EPHA6: variants seen among roughly 807,000 people sequenced by gnomAD.
EPHA6 encodes the protein ephrin type-A receptor 6.
A neutral mutation model predicts 112.0 loss-of-function variants in EPHA6; 50 were observed. The ratio of observed to expected loss-of-function variants is 0.45; its 90% CI spans 0.36 to 0.56. The LOEUF (loss-of-function observed/expected upper bound fraction) is 0.56. EPHA6 is among the 20% of genes least tolerant of loss of function. The pLI, the probability that EPHA6 is intolerant of heterozygous loss-of-function variation, is 0.00. For synonymous variants in EPHA6, 529 were observed against 490.7 expected (o/e 1.08, Z -1.03); for missense variants, 1,280 against 1,417.4 (o/e 0.90, Z 1.56).
intron 14 of EPHA6, among the ~76,000 whole-genome samples, chr3:97,706,496 G>T (rs770110328): frequency 1.3e-5 from 2 of 152,130 alleles, no homozygotes; most frequent in Admixed American, 6.5e-5. Flanking sequence ...CCAAGTCTTC[G>T]CTGTCATGGC....
chr3:97,589,679 A>G (rs2093525265), intron 11 of EPHA6, among the ~76,000 whole-genome samples: 2 of 152,164 alleles, frequency 1.3e-5, no homozygotes, highest in South Asian at 4.1e-4. Flanking sequence ...TAAGGAGAGA[A>G]TCGAAATCAG....
intron 2 of EPHA6, among the ~76,000 whole-genome samples, chr3:96,880,691 T>TC (rs910479842): frequency 6.6e-6 from 1 of 151,992 alleles, no homozygotes; most frequent in South Asian, 2.1e-4. Flanking sequence ...CCATTCTTCC[T>TC]CCCCCCACCT....
chr3:97,265,659 G>A (rs2108629191), intron 5 of EPHA6, among the ~76,000 whole-genome samples: 1 of 152,310 alleles, frequency 6.6e-6, no homozygotes. Flanking sequence ...CTCTGCCTGG[G>A]AGGGTGGTGC....
At chr3:97,268,957 G>A (rs1440495411) in intron 5 of EPHA6, among the ~76,000 whole-genome samples, 1 of 152,086 alleles carries the variant, frequency 6.6e-6, no homozygotes, top group African/African-American at 2.4e-5. Context: ...GAACTCTTGA[G>A]TTTCTAACTA....
intron 3 of EPHA6, among the ~76,000 whole-genome samples, chr3:97,048,205 C>G (rs1209083219): frequency 6.6e-6 from 1 of 152,100 alleles, no homozygotes; most frequent in Non-Finnish European, 1.5e-5. Context: ...TCAAATCATG[C>G]TAAGGCTGAA....
chr3:97,451,494 A>G (rs1419872560), intron 7 of EPHA6, among the ~76,000 whole-genome samples: 4 of 151,762 alleles, frequency 2.6e-5, no homozygotes, highest in Non-Finnish European at 5.9e-5. Context: ...TCTGAGAAGA[A>G]CCTGAAAATA....
intron 1 of EPHA6, among the ~76,000 whole-genome samples, chr3:96,848,087 T>G (rs1257562225): frequency 6.6e-6 from 1 of 152,078 alleles, no homozygotes; most frequent in Non-Finnish European, 1.5e-5. Context: ...TGGGTATAAG[T>G]TGACAGTCTT....
intron 3 of EPHA6, among the ~76,000 whole-genome samples, chr3:97,095,496 C>T (rs111379585): frequency 6.6e-6 from 1 of 151,918 alleles, no homozygotes; most frequent in African/African-American, 2.4e-5. Context: ...CCATACCCCC[C>T]ACCTTCCTTT....
At chr3:97,519,106 T>C (rs867855794) in intron 10 of EPHA6, among the ~76,000 whole-genome samples, 1 of 152,184 alleles carries the variant, frequency 6.6e-6, no homozygotes, top group Admixed American at 6.5e-5. Flanking sequence ...CTATGTTTTC[T>C]TCTATTAGCT....
rs535396163 is a variant in EPHA6, at chr3:97,511,170, T to C, written c.2201-21188T>C. Reference sequence around the variant, plus strand: ...CTTGGCTCCATGGCTTCAGCCCCCTTTCCAGGGGAGTGAATGGTTCTGTGT... The same window carrying C: ...CTTGGCTCCATGGCTTCAGCCCCCTCTCCAGGGGAGTGAATGGTTCTGTGT... On this transcript the variant is annotated intron_variant, in intron 10 of 17. Transcript: ENST00000389672. 2.0e-5 allele frequency among the ~76,000 whole-genome samples: 3 copies of C among 152,218 alleles called. No individual in the cohort carries two copies. In the East Asian group the frequency reaches 5.8e-4, roughly 29 times the overall value.
chr3:97,501,216 T>G (rs2092107693), intron 10 of EPHA6, among the ~76,000 whole-genome samples: 1 of 152,144 alleles, frequency 6.6e-6, no homozygotes, highest in Non-Finnish European at 1.5e-5. Context: ...ATAAATTGAG[T>G]AAAGCTGGAG....
chr3:97,441,448 C>T (rs942663821), intron 6 of EPHA6: 14 of 980,112 alleles, frequency 1.4e-5, no homozygotes, highest in Non-Finnish European at 1.7e-5. Context: ...AAGAAAACGT[C>T]CTCAACTAGA....
chr3:97,047,070 C>A (rs2045532321), intron 3 of EPHA6, among the ~76,000 whole-genome samples: 1 of 151,906 alleles, frequency 6.6e-6, no homozygotes, highest in Non-Finnish European at 1.5e-5. Flanking sequence ...TTTTTATATT[C>A]TCTTTTTATC....
intron 6 of EPHA6, among the ~76,000 whole-genome samples, chr3:97,418,667 C>A (rs2088338077): frequency 6.6e-6 from 1 of 151,714 alleles, no homozygotes; most frequent in Admixed American, 6.6e-5. Context: ...CAAAGACCTA[C>A]CATAAAGAAA....
At chr3:97,621,384 A>G (rs528376233) in intron 13 of EPHA6, among the ~76,000 whole-genome samples, 1 of 152,062 alleles carries the variant, frequency 6.6e-6, no homozygotes, top group East Asian at 1.9e-4. Context: ...CATTTAAGAA[A>G]TCTGCACATC....
intron 5 of EPHA6, chr3:97,244,613 T>C (rs2078936348): frequency 2.8e-6 from 1 of 353,282 alleles, no homozygotes; most frequent in Non-Finnish European, 5.1e-6. Context: ...AAAATGTTAT[T>C]AAATGAATTG....
chr3:97,639,519 A>G (rs184099467), intron 14 of EPHA6, among the ~76,000 whole-genome samples: 260 of 152,268 alleles, frequency 1.7e-3, no homozygotes, highest in Non-Finnish European at 3.0e-3. Context: ...ATTGCAACAA[A>G]TACAATCTAC....
intron 3 of EPHA6, among the ~76,000 whole-genome samples, chr3:97,035,936 A>G (rs1304386957): frequency 6.6e-6 from 1 of 151,920 alleles, no homozygotes; most frequent in African/African-American, 2.4e-5. Flanking sequence ...TTAAGAGGTA[A>G]TTAGGTCATG....
intron 2 of EPHA6, among the ~76,000 whole-genome samples, chr3:96,940,876 A>G (rs1017549906): frequency 1.3e-5 from 2 of 152,164 alleles, no homozygotes; most frequent in Non-Finnish European, 1.5e-5. Flanking sequence ...TTGGCTGGAT[A>G]TGAAATTCTG....
Sources: gnomAD v4.1 joint callset for allele counts (sites outside exome capture counted in the v4.1 genomes callset) on GRCh38, gnomAD v4.1.1 for gene constraint, MANE v1.5 for transcripts, NCBI Gene and HGNC (gene_info 2026-07-23, HGNC 2026-07-21) for gene names.